PKD1L3: variants seen among roughly 807,000 people sequenced by gnomAD.
PKD1L3 encodes the protein polycystin-1-like protein 3.
A neutral mutation model predicts 184.1 loss-of-function variants in PKD1L3; 239 were observed. That is an observed-to-expected ratio of 1.30 (90% CI 1.17 to 1.45). The LOEUF (loss-of-function observed/expected upper bound fraction) is 1.45. Among genes scored for constraint, PKD1L3 ranks in the 40% most tolerant of loss-of-function variants. The pLI is 0.00. For missense variants in PKD1L3, 2,660 were observed against 2,067.2 expected (o/e 1.29, Z -5.56); for synonymous variants, 996 against 778.8 (o/e 1.28, Z -4.64).
At chr16:71,961,506 G>A (rs983072109) in intron 16 of PKD1L3, among the ~76,000 whole-genome samples, 6 of 152,080 alleles carry the variant, frequency 3.9e-5, no homozygotes, top group Non-Finnish European at 8.8e-5. Flanking sequence ...CCATTCTGGA[G>A]GGAGACAGCC....
chr16:71,964,724 C>G (rs2039431094), intron 15 of PKD1L3, among the ~76,000 whole-genome samples: 1 of 152,040 alleles, frequency 6.6e-6, no homozygotes, highest in Admixed American at 6.6e-5. Context: ...TTCCAGTCAC[C>G]TCCTGCCCCC....
At position 71,950,174 on chromosome 16, in the gene PKD1L3, T is replaced by C. The variant is rs1221189249; in HGVS notation, c.3327A>G (p.Gln1109=). 11 of 1,552,174 alleles carry C rather than the reference T, an allele frequency of 7.1e-6. 1 individual carries two copies. In the South Asian group the frequency reaches 7.1e-5, roughly 10 times the overall value. The change falls in exon 20 of 30, where the codon CAA becomes CAG. Residue 1109 remains glutamine (Q), a synonymous_variant. Transcript: ENST00000620267. Reference sequence around the variant, plus strand: ...GTGTTTCCAAGAGTTCCTGGAGTTTTTGAAGTTGGCTGGCTGCATCTAGGA... The same window carrying C: ...GTGTTTCCAAGAGTTCCTGGAGTTTCTGAAGTTGGCTGGCTGCATCTAGGA... ...CDFLDAASQL[Q]KLQELLETHI... is the part of the protein sequence containing the mutation.
In PKD1L3 at chr16:71,970,002, T is replaced by G. The variant is rs762124928; in HGVS notation, c.2057A>C (p.Asp686Ala). ...CACGCGAAGGAACAGTTTGATCGTGTCTTCAACATTCACGGTCCTGGGCAC... is the reference window on the plus strand; with the variant it reads ...CACGCGAAGGAACAGTTTGATCGTGGCTTCAACATTCACGGTCCTGGGCAC... The part of the protein sequence containing the change: ...FVVPRTVNVE[D>A]TIKLFLRVTN... The change falls in exon 13 of 30, where the codon GAC becomes GCC. Residue 686 changes from aspartate to alanine, a missense_variant. By Grantham distance (126) the Asp-to-Ala change is moderately radical (BLOSUM62 -2). Coordinates refer to ENST00000620267, the MANE Select transcript of PKD1L3 (RefSeq NM_181536.2). 94 of 1,551,606 alleles carry G rather than the reference T, an allele frequency of 6.1e-5. No individual in the cohort carries two copies. Among genetic ancestry groups the G allele is most frequent in the Non-Finnish European group, 7.6e-5 (87 of 1,147,024 alleles).
In PKD1L3 at chr16:71,985,202, AAAAC is replaced by A. The variant is rs200903850; in HGVS notation, c.834+1015_834+1018del. 5.0e-3 allele frequency among the ~76,000 whole-genome samples: 765 copies of A among 152,298 alleles called. 6 individuals are homozygous for A. Among genetic ancestry groups the A allele is most frequent in the African/African-American group, 0.017 (719 of 41,550 alleles). ...TACTTCAGGATTTCCAAGAAAAACA[AAAAC>A]AAAAACAAAAATCTTTGTTTAAACT... is the stretch of plus-strand genomic sequence containing the variant. On this transcript the variant is annotated intron_variant, in intron 5 of 29. Coordinates refer to ENST00000620267, the MANE Select transcript of PKD1L3 (RefSeq NM_181536.2).
At chr16:71,939,424 G>A (rs932570131) in intron 24 of PKD1L3, among the ~76,000 whole-genome samples, 1 of 152,190 alleles carries the variant, frequency 6.6e-6, no homozygotes, top group South Asian at 2.1e-4. Flanking sequence ...GGCCACAGAG[G>A]TTTCTGGCTG....
intron 3 of PKD1L3, among the ~76,000 whole-genome samples, chr16:71,991,889 C>G (rs965138320): frequency 1.3e-5 from 2 of 152,202 alleles, no homozygotes; most frequent in Non-Finnish European, 2.9e-5. Flanking sequence ...GCTCTAACAG[C>G]CTCTAACTCC....
At chr16:71,973,633 A>T in intron 11 of PKD1L3, 116 bp from the exon 12 acceptor site, 1 of 961,086 alleles carries the variant, frequency 1.0e-6, no homozygotes, top group South Asian at 1.7e-5. Flanking sequence ...ATGAAACTAG[A>T]GTCACAAATG....
chr16:71,953,100 GA>G lies in PKD1L3; in HGVS notation c.2810-8del. On this transcript the variant is annotated splice_region_variant and splice_polypyrimidine_tract_variant and intron_variant, in intron 17 of 29. Transcript: ENST00000620267. ...GCCACAGCAAATGGACGCACTGAAA[GA>G]AAAGCATGACATCAACTTTCATCTT... The G allele has an allele frequency of 6.9e-7, 1 of 1,441,580 alleles. No individual in the cohort carries two copies. The allele number at this position is 1,441,580 out of a possible 1,614,324, so 89.3% of individuals were successfully genotyped here. A position where few individuals can be genotyped will look rare whatever the true frequency, so the allele number is the denominator to read the frequency against.
intron 16 of PKD1L3, among the ~76,000 whole-genome samples, chr16:71,956,188 T>TA (rs1354394210): frequency 1.1e-5 from 1 of 88,580 alleles, no homozygotes; most frequent in South Asian, 3.8e-4. Flanking sequence ...GAAGGAATTT[T>TA]TTTTTTTTTT....
chr16:71,966,073 G>C (rs2039492140), intron 15 of PKD1L3, among the ~76,000 whole-genome samples: 1 of 151,922 alleles, frequency 6.6e-6, no homozygotes, highest in Non-Finnish European at 1.5e-5. Flanking sequence ...CCCAGTGGCT[G>C]GTATGTCTAG....
At chr16:71,929,863 G>A (rs747137072) in intron 29 of PKD1L3, 185 bp from the exon 30 acceptor site, 15 of 959,126 alleles carry the variant, frequency 1.6e-5, no homozygotes, top group Non-Finnish European at 2.3e-5. Context: ...ATAGGACAAT[G>A]GCTATAGAAT....
At chr16:71,948,241 C>A (rs1338668515) in intron 21 of PKD1L3, among the ~76,000 whole-genome samples, 1 of 152,126 alleles carries the variant, frequency 6.6e-6, no homozygotes, top group Non-Finnish European at 1.5e-5. Flanking sequence ...CACCACTATA[C>A]CTGGCTAATT....
At chr16:71,951,962 A>G (rs1007890099) in intron 18 of PKD1L3, among the ~76,000 whole-genome samples, 3 of 152,188 alleles carry the variant, frequency 2.0e-5, no homozygotes, top group African/African-American at 7.2e-5. Context: ...AGAATGAAAA[A>G]AGAGACAATT....
rs750980823 is a variant in PKD1L3, at chr16:71,937,350, C to T, written c.4394G>A (p.Trp1465Ter). The T allele has an allele frequency of 5.8e-5, 90 of 1,551,528 alleles. No homozygotes were observed. Among genetic ancestry groups the T allele is most frequent in the Non-Finnish European group, 7.2e-5 (83 of 1,146,984 alleles). ...SLQMSKKGCV[W>*]SIISQVIYYL... ...ATAGATGACTTGTGAGATGATAGAC[C>T]AGACACAGCCCTTCTTTGACATCTG... is the stretch of plus-strand genomic sequence containing the variant. Residue 1465 changes from tryptophan (W) to a stop codon, truncating the protein, a stop_gained, in exon 25 of 30, where the codon TGG (tryptophan) becomes TAG (stop). Transcript: ENST00000620267. LOFTEE classifies it high-confidence loss of function.
In PKD1L3 at chr16:71,954,306, AAAGAG is replaced by A; in HGVS notation, c.2613-10_2613-6del. On this transcript the variant is annotated splice_region_variant and splice_polypyrimidine_tract_variant and intron_variant, in intron 16 of 29. Coordinates refer to ENST00000620267, the MANE Select transcript of PKD1L3 (RefSeq NM_181536.2). ...ATCATGGAGGAAAACAGATGTCTGA[AAAGAG>A]AAATCAGAAGAGGAAATACATGAGA... 6.6e-7 allele frequency: 1 copy of A among 1,521,926 alleles called. No individual in the cohort carries two copies. 94.3% of individuals were successfully genotyped at this position (1,521,926 alleles called of 1,614,324 possible).
Position 71,942,546 on chromosome 16 carries a change from G to A in PKD1L3, c.4324+14C>T. The A allele has an allele frequency of 1.9e-6, 3 of 1,541,166 alleles. No homozygotes were observed. The highest frequency in any genetic ancestry group is 8.8e-7 in the Non-Finnish European group (1 of 1,138,758). On this transcript the variant is annotated intron_variant, in intron 24 of 29. Coordinates refer to ENST00000620267, the MANE Select transcript of PKD1L3 (RefSeq NM_181536.2). ...TGCTACGTGTGGTTGAATTCCAGGG[G>A]TCACTCCAGTTACCTCTCATGATGT...
intron 4 of PKD1L3, among the ~76,000 whole-genome samples, chr16:71,988,150 C>T (rs1379091684): frequency 1.3e-5 from 2 of 152,074 alleles, no homozygotes; most frequent in Non-Finnish European, 2.9e-5. Flanking sequence ...AAGGGGGCAA[C>T]AGTAGAAGCA....
At chr16:71,975,978 G>C (rs576393726) in intron 11 of PKD1L3, among the ~76,000 whole-genome samples, 2 of 149,956 alleles carry the variant, frequency 1.3e-5, no homozygotes, top group East Asian at 3.9e-4. Context: ...TTTTGAGGCA[G>C]GGTCTGTCAC....
intron 19 of PKD1L3, among the ~76,000 whole-genome samples, chr16:71,951,243 T>C (rs1478195776): frequency 6.6e-6 from 1 of 152,170 alleles, no homozygotes; most frequent in African/African-American, 2.4e-5. Flanking sequence ...TTTCGCCATG[T>C]TGGCTAGGCT....
Sources: allele counts gnomAD v4.1 joint callset (sites outside exome capture counted in the v4.1 genomes callset), GRCh38; gene constraint gnomAD v4.1.1; transcripts MANE v1.5; gene names NCBI Gene and HGNC (gene_info 2026-07-23, HGNC 2026-07-21).